Variants in OPRM1 observed in about 807,000 individuals in gnomAD.
OPRM1 encodes mu-type opioid receptor.
Under a neutral mutation model 31.8 loss-of-function variants are expected in OPRM1, and 27 were observed. The observed-to-expected ratio is 0.85, with a 90% CI of 0.63 to 1.17. OPRM1 has a LOEUF of 1.17. Ranked by LOEUF, OPRM1 falls within the 50% of genes most tolerant of loss-of-function variation. The pLI is 0.00. For missense variants in OPRM1, 536 were observed against 511.1 expected (o/e 1.05, Z -0.47); for synonymous variants, 196 against 189.9 (o/e 1.03, Z -0.26).
At chr6:154,030,886 T>C (rs1408064959) in intron 1 of OPRM1, among the ~76,000 whole-genome samples, 1 of 152,174 alleles carries the variant, frequency 6.6e-6, no homozygotes, top group East Asian at 1.9e-4. Flanking sequence ...TCATTGTTCT[T>C]ACATGAAAGC....
chr6:154,052,455 G>C (rs1782407865), intron 1 of OPRM1, among the ~76,000 whole-genome samples: 1 of 152,228 alleles, frequency 6.6e-6, no homozygotes, highest in Non-Finnish European at 1.5e-5. Flanking sequence ...ACAACACATA[G>C]ATGAATGGAT....
intron 3 of OPRM1, among the ~76,000 whole-genome samples, chr6:154,204,965 C>T (rs1452533530): frequency 6.6e-6 from 1 of 152,206 alleles, no homozygotes; most frequent in Non-Finnish European, 1.5e-5. Flanking sequence ...CCCATCACCA[C>T]ATCTCTGGTC....
At chr6:154,071,674 G>A (rs1025025497) in intron 1 of OPRM1, among the ~76,000 whole-genome samples, 2 of 152,234 alleles carry the variant, frequency 1.3e-5, no homozygotes, top group Non-Finnish European at 2.9e-5. Flanking sequence ...TCTAGACAGT[G>A]TGCTGTCCTA....
intron 3 of OPRM1, among the ~76,000 whole-genome samples, chr6:154,234,902 T>C (rs1261254177): frequency 1.3e-5 from 2 of 152,266 alleles, no homozygotes; most frequent in Non-Finnish European, 2.9e-5. Context: ...GATTGTCCTC[T>C]GCCGTGTAAA....
rs533968859 is a variant in OPRM1, at chr6:154,238,317, G to A, written c.1165-8376G>A. Reference sequence around the variant, plus strand: ...GTTGCCCAGGCTAGAGTGCAATGGCGCTGTCTCGGCTCACTGCAACCTCTG... The same window carrying A: ...GTTGCCCAGGCTAGAGTGCAATGGCACTGTCTCGGCTCACTGCAACCTCTG... On this transcript the variant is annotated intron_variant, in intron 3 of 3. Transcript: ENST00000337049. 1.3e-3 allele frequency among the ~76,000 whole-genome samples: 205 copies of A among 152,136 alleles called. 2 individuals carry two copies. The highest frequency in any genetic ancestry group is 4.5e-3 in the African/African-American group (187 of 41,478).
chr6:154,023,014 G>T (rs565093136), intron 1 of OPRM1, among the ~76,000 whole-genome samples: 4 of 152,004 alleles, frequency 2.6e-5, no homozygotes, highest in Non-Finnish European at 5.9e-5. Flanking sequence ...TTCTTGCTCG[G>T]AGAGCTTTGG....
chr6:154,222,934 T>C (rs1778981018), intron 3 of OPRM1: 2 of 554,532 alleles, frequency 3.6e-6, no homozygotes, highest in Non-Finnish European at 6.5e-6. Flanking sequence ...TCAACAACAG[T>C]CCATGCCAAG....
In OPRM1 at chr6:154,138,384, G is replaced by A. The variant is rs1583647673; in HGVS notation, c.1164+46912G>A. Among the ~76,000 whole-genome samples, 5 of 152,280 alleles carry A rather than the reference G, an allele frequency of 3.3e-5. 1 individual carries two copies. The highest frequency in any genetic ancestry group is 3.3e-4 in the Admixed American group (5 of 15,284). On this transcript the variant is annotated intron_variant, in intron 3 of 3. Transcript: ENST00000337049. ...TTGCTTTAAAATAAAAAATACCAAT[G>A]TCTGGAACCTGCTGCAGATGAATTA...
intron 1 of OPRM1, among the ~76,000 whole-genome samples, chr6:154,021,818 A>G (rs1437963072): frequency 6.6e-6 from 1 of 152,054 alleles, no homozygotes; most frequent in African/African-American, 2.4e-5. Flanking sequence ...CCTTGTTATA[A>G]TTGCTTATTA....
intron 1 of OPRM1, among the ~76,000 whole-genome samples, chr6:154,014,233 G>T (rs1189081139): frequency 2.0e-5 from 3 of 152,182 alleles, no homozygotes; most frequent in African/African-American, 7.2e-5. Context: ...TGGTAGAAAT[G>T]GTCACAGAGG....
chr6:154,046,546 T>C (rs1414394859), intron 1 of OPRM1: 1 of 152,182 alleles, frequency 6.6e-6, no homozygotes, highest in Non-Finnish European at 1.5e-5. Flanking sequence ...TCAAGAAAAT[T>C]TCAGTCTTCA....
In OPRM1 at chr6:154,235,334, C is replaced by A. The variant is rs184912288; in HGVS notation, c.1165-11359C>A. On this transcript the variant is annotated intron_variant, in intron 3 of 3. Coordinates refer to the OPRM1 transcript ENST00000337049. ...TCACCTGAGGTCAGGAGTTTGAGACCAGCCTGGCCCACATGGCGAAAACCC... is the reference window on the plus strand; with the variant it reads ...TCACCTGAGGTCAGGAGTTTGAGACAAGCCTGGCCCACATGGCGAAAACCC... Among the ~76,000 whole-genome samples the A allele has an allele frequency of 4.3e-4, 65 of 152,242 alleles. 3 individuals are homozygous for A. In the East Asian group the frequency reaches 0.012, roughly 28 times the overall value.
intron 3 of OPRM1, chr6:154,214,389 A>C (rs1387478404): frequency 1.3e-6 from 1 of 795,402 alleles, no homozygotes; most frequent in South Asian, 1.4e-5. Flanking sequence ...CAGTCTGCAC[A>C]TTTCCAGAAA....
chr6:154,142,214 G>A (rs1356658322), intron 3 of OPRM1, among the ~76,000 whole-genome samples: 2 of 58,918 alleles, frequency 3.4e-5, no homozygotes, highest in African/African-American at 1.2e-4. Flanking sequence ...GGAAAGTCAG[G>A]TGATGGTCAA....
intron 1 of OPRM1, among the ~76,000 whole-genome samples, chr6:154,041,961 G>A (rs479376): frequency 6.6e-6 from 1 of 152,166 alleles, no homozygotes; most frequent in African/African-American, 2.4e-5. Flanking sequence ...TTCCAGTGTA[G>A]AAGAGGTTGC....
intron 3 of OPRM1, among the ~76,000 whole-genome samples, chr6:154,237,428 C>G (rs1476835354): frequency 1.3e-5 from 2 of 152,322 alleles, no homozygotes; most frequent in African/African-American, 4.8e-5. Flanking sequence ...ATCATAGTCA[C>G]TGAGAAAAAC....
intron 1 of OPRM1, among the ~76,000 whole-genome samples, chr6:154,058,633 C>A (rs1329086493): frequency 2.0e-5 from 3 of 152,032 alleles, no homozygotes; most frequent in Admixed American, 1.3e-4. Flanking sequence ...AATATTGGTC[C>A]CTAGCAATGT....
intron 3 of OPRM1, among the ~76,000 whole-genome samples, chr6:154,209,674 T>A (rs537442805): frequency 1.3e-5 from 2 of 151,972 alleles, no homozygotes; most frequent in East Asian, 1.9e-4. Flanking sequence ...TACTATATAT[T>A]TTTTTTATTT....
intron 3 of OPRM1, among the ~76,000 whole-genome samples, chr6:154,237,704 C>A (rs1221479790): frequency 6.6e-6 from 1 of 152,148 alleles, no homozygotes; most frequent in Non-Finnish European, 1.5e-5. Context: ...GGATTAGAAT[C>A]CAGGTGCCAT....
Sources: allele counts gnomAD v4.1 joint callset (sites outside exome capture counted in the v4.1 genomes callset), GRCh38; gene constraint gnomAD v4.1.1; transcripts MANE v1.5; gene names NCBI Gene and HGNC (gene_info 2026-07-23, HGNC 2026-07-21).